Variants in COPB2 observed in about 807,000 individuals in gnomAD.
COPB2 encodes coatomer subunit beta'.
COPB2 carries 16 observed loss-of-function variants against 120.8 expected under a neutral mutation model. That is an observed-to-expected ratio of 0.13 (90% CI 0.09 to 0.20). COPB2 has a LOEUF of 0.20. Ranked by LOEUF, COPB2 falls within the 10% of genes least tolerant of loss-of-function variation. The pLI is 1.00. For synonymous variants in COPB2, 332 were observed against 366.3 expected, an observed-to-expected ratio of 0.91 and a Z score of 1.07; for missense variants, 794 against 1,076.5, an observed-to-expected ratio of 0.74 and a Z score of 3.67.
chr3:139,360,517 C>CAAA (rs11439096), intron 17 of COPB2, among the ~76,000 whole-genome samples: 34 of 88,320 alleles, frequency 3.8e-4, no homozygotes, highest in African/African-American at 1.4e-3. Flanking sequence ...GATTCCATCT[C>CAAA]AAAAAAAAAA....
intron 13 of COPB2, 48 bp downstream of exon 13, chr3:139,368,097 A>T: frequency 6.3e-7 from 1 of 1,584,130 alleles, no homozygotes; most frequent in Non-Finnish European, 8.6e-7. Flanking sequence ...AAGAATATAA[A>T]TCATTTAAAA....
At chr3:139,358,945 G>A in intron 19 of COPB2, 53 bp downstream of exon 19, 1 of 1,592,770 alleles carries the variant, frequency 6.3e-7, no homozygotes, top group Non-Finnish European at 8.6e-7. Context: ...AGTCCTGAAT[G>A]TACTTCCACC....
chr3:139,358,124 A>T lies in COPB2; in HGVS notation c.2625+76T>A, dbSNP rs572309003. 2.7e-3 allele frequency: 3,649 copies of T among 1,328,860 alleles called. 10 individuals carry two copies. Among genetic ancestry groups the T allele is most frequent in the Non-Finnish European group, 3.6e-3 (3,297 of 927,124 alleles). The allele number at this position is 1,328,860 out of a possible 1,614,324, so 82.3% of individuals were successfully genotyped here. Reference sequence around the variant, plus strand: ...GAAACTGATGTCACTTAAACCACAGAGGCCTACGTATCCTCCAGATATTGA... The same window carrying T: ...GAAACTGATGTCACTTAAACCACAGTGGCCTACGTATCCTCCAGATATTGA... On this transcript the variant is annotated intron_variant, in intron 21 of 21. Coordinates refer to ENST00000333188, the MANE Select transcript of COPB2 (RefSeq NM_004766.3).
chr3:139,377,218 A>G, intron 5 of COPB2, among the ~76,000 whole-genome samples: 1 of 151,598 alleles, frequency 6.6e-6, no homozygotes. Flanking sequence ...GGGGATAAAG[A>G]TTTCCAAAAA....
At position 139,358,040 on chromosome 3, in the gene COPB2, G is replaced by A; in HGVS notation, c.2626-82C>T. On this transcript the variant is annotated intron_variant, in intron 21 of 21. Transcript: ENST00000333188. The stretch of plus-strand genomic sequence containing the variant: ...TCCGTGGGTTCATGATTCAAAGTGA[G>A]AACTAAGATTTTCTTAATAGTCAAA... The A allele has an allele frequency of 4.8e-6, 5 of 1,035,440 alleles. No homozygotes were observed. The South Asian group carries it at 7.7e-5, about 16-fold the overall frequency. 64.1% of individuals were successfully genotyped at this position (1,035,440 alleles called of 1,614,324 possible).
At chr3:139,373,589 T>G (rs1056639654) in intron 8 of COPB2, 77 bp downstream of exon 8, 6 of 1,591,972 alleles carry the variant, frequency 3.8e-6, no homozygotes, top group Non-Finnish European at 5.1e-6. Context: ...AACTGGTTAC[T>G]TGGAAGATGA....
Position 139,359,392 on chromosome 3 carries a change from C to T in COPB2, c.2211-30G>A, listed in dbSNP as rs1179047836. ...ACATTAAAAAGGAGAGGTACTGTTA[C>T]CAAGAATAAACACTATAATAATGGG... On this transcript the variant is annotated intron_variant, in intron 17 of 21. Transcript: ENST00000333188. 7 of 1,596,852 alleles carry T rather than the reference C, an allele frequency of 4.4e-6. No individual in the cohort carries two copies. The East Asian group carries it at 1.3e-4, about 31-fold the overall frequency.
intron 1 of COPB2, among the ~76,000 whole-genome samples, chr3:139,387,855 T>C (rs1192107300): frequency 6.6e-6 from 1 of 152,202 alleles, no homozygotes; most frequent in Non-Finnish European, 1.5e-5. Flanking sequence ...AAGAATTAAA[T>C]TCAGAGTTAG....
chr3:139,384,655 T>C (rs1941881815), intron 1 of COPB2, among the ~76,000 whole-genome samples: 2 of 152,208 alleles, frequency 1.3e-5, no homozygotes, highest in Non-Finnish European at 2.9e-5. Context: ...TACTCCCCAT[T>C]TCACCACACA....
At chr3:139,374,329 GA>G in intron 7 of COPB2, 159 bp downstream of exon 7, 1 of 547,608 alleles carries the variant, frequency 1.8e-6, no homozygotes, top group South Asian at 2.4e-5. Flanking sequence ...TGATGATGAT[GA>G]AAATAATGCC....
rs150152293 is a variant in COPB2 at position 139,364,225 on chromosome 3, T to C, written c.1885-1708A>G. ...AACAATGTGATTTACACCCAGTGTG[T>C]CTCATGAATGGTAGGGCTAAAAACA... is the stretch of plus-strand genomic sequence containing the variant. On this transcript the variant is annotated intron_variant, in intron 15 of 21. Transcript: ENST00000333188. 6.2e-3 allele frequency among the ~76,000 whole-genome samples: 937 copies of C among 152,270 alleles called. 4 individuals carry two copies. Among genetic ancestry groups the C allele is most frequent in the Middle Eastern group, 0.048 (14 of 294 alleles).
Position 139,367,072 on chromosome 3 carries a change from A to G in COPB2, c.1619T>C (p.Val540Ala). ...TCCAACATAATAATTTAATCTGTTC[A>G]CAGAACTTGTGTAAATGAAGCAATC... is the stretch of plus-strand genomic sequence containing the variant. ...VGDCFIYTSSVNRLNYYVGGE... is the reference protein window; with the variant it reads ...VGDCFIYTSSANRLNYYVGGE... The change falls in exon 14 of 22, where the codon GTG becomes GCG. Residue 540 changes from valine (V) to alanine (A), a missense_variant. Physicochemically the swap from Val to Ala is moderately conservative, Grantham distance 64. This residue lies in a region of COPB2 where 610 missense variants were observed against 866.7 expected (regional missense o/e 0.70). Coordinates refer to ENST00000333188, the MANE Select transcript of COPB2 (RefSeq NM_004766.3). The G allele has an allele frequency of 1.2e-6, 2 of 1,614,040 alleles. No homozygotes were observed. Among genetic ancestry groups the G allele is most frequent in the Non-Finnish European group, 1.7e-6 (2 of 1,179,940 alleles).
chr3:139,367,144 A>C lies in COPB2; in HGVS notation c.1547T>G (p.Val516Gly). ...TEDGIEDAFEVLGEIQEIVKT... is the reference protein window; with the variant it reads ...TEDGIEDAFEGLGEIQEIVKT... ...CACAATTTCCTGAATCTCACCAAGA[A>C]CCTGCAGAAAGAAAAATAAAGACAA... Residue 516 changes from valine (V) to glycine (G), a missense_variant and splice_region_variant, in exon 14 of 22, where the codon GTT (valine) becomes GGT (glycine). Transcript: ENST00000333188. 2 of 1,610,884 alleles carry C rather than the reference A, an allele frequency of 1.2e-6. No individual in the cohort carries two copies. Among genetic ancestry groups the C allele is most frequent in the Non-Finnish European group, 1.7e-6 (2 of 1,179,174 alleles).
intron 17 of COPB2, 88 bp downstream of exon 17, chr3:139,360,993 T>A (rs1487037099): frequency 2.1e-6 from 3 of 1,426,962 alleles, no homozygotes; most frequent in Admixed American, 3.5e-5. Context: ...TGGCCATTCA[T>A]CAGTTCTCTC....
At chr3:139,367,234 G>A in intron 13 of COPB2, 89 bp from the exon 14 acceptor site, 16 of 1,347,540 alleles carry the variant, frequency 1.2e-5, no homozygotes, top group East Asian at 5.0e-5. Context: ...TGATATGGCA[G>A]AATAAGGAAT....
chr3:139,367,291 G>T, intron 13 of COPB2, 146 bp from the exon 14 acceptor site: 1 of 983,438 alleles, frequency 1.0e-6, no homozygotes, highest in Non-Finnish European at 1.4e-6. Context: ...ATTTTCCTTG[G>T]AATTTTTTTT....
intron 15 of COPB2, among the ~76,000 whole-genome samples, chr3:139,366,064 G>A (rs745428463): frequency 8.6e-5 from 13 of 152,018 alleles, no homozygotes; most frequent in Non-Finnish European, 1.6e-4. Flanking sequence ...TTAGAGATAT[G>A]GAAATAAATA....
At chr3:139,389,290 G>C (rs929066344) in intron 1 of COPB2, among the ~76,000 whole-genome samples, 5 of 152,208 alleles carry the variant, frequency 3.3e-5, no homozygotes, top group African/African-American at 1.2e-4. Context: ...CAGACTGCAG[G>C]AGCTCTGGCA....
rs1312831517 is a variant in COPB2, at chr3:139,379,480, CAAG to C, written c.142-17_142-15del. ...CTTCACCAGTGTCTTTAAAATGTAA[CAAG>C]AATACACAAATTGAGCTATAAGAAA... is the stretch of plus-strand genomic sequence containing the variant. On this transcript the variant is annotated splice_polypyrimidine_tract_variant and intron_variant, in intron 2 of 21. Transcript: ENST00000333188. 1 of 1,599,800 alleles carries C rather than the reference CAAG, an allele frequency of 6.3e-7. No individual in the cohort carries two copies. Among genetic ancestry groups the C allele is most frequent in the Non-Finnish European group, 8.6e-7 (1 of 1,169,034 alleles).
Sources: allele counts gnomAD v4.1 joint callset (sites outside exome capture counted in the v4.1 genomes callset), GRCh38; gene constraint gnomAD v4.1.1; regional missense constraint gnomAD v4.1.1; transcripts MANE v1.5; gene names NCBI Gene and HGNC (gene_info 2026-07-23, HGNC 2026-07-21).